CDH12: variants seen among roughly 807,000 people sequenced by gnomAD.
CDH12 encodes the protein cadherin 12, also known as cadherin-12.
In CDH12, 41 loss-of-function variants were observed where a neutral mutation model predicts 74.1. The ratio of observed to expected loss-of-function variants is 0.55; its 90% CI spans 0.43 to 0.72. CDH12 has a LOEUF of 0.72. Ranked by LOEUF, CDH12 falls within the 30% of genes least tolerant of loss-of-function variation. CDH12 has a pLI of 0.00. For missense variants in CDH12, 945 were observed against 977.2 expected (o/e 0.97, Z 0.44); for synonymous variants, 399 against 355.0 (o/e 1.12, Z -1.39).
At position 22,030,014 on chromosome 5, in the gene CDH12, CA is replaced by C. The variant is rs1237322840; in HGVS notation, c.231+48431del. 4.3e-3 allele frequency among the ~76,000 whole-genome samples: 592 copies of C among 138,854 alleles called. 6 individuals carry two copies. The highest frequency in any genetic ancestry group is 0.015 in the African/African-American group (557 of 37,414). The allele number at this position is 138,854 out of a possible 152,430, so 91.1% of individuals were successfully genotyped here. ...CATTCTCAGTAAACTATCGCAAGGACAAAAAACCAAACACCGCATGTTCTCA... is the reference window on the plus strand; with the variant it reads ...CATTCTCAGTAAACTATCGCAAGGACAAAAACCAAACACCGCATGTTCTCA... On this transcript the variant is annotated intron_variant, in intron 5 of 14. Coordinates refer to ENST00000382254, the MANE Select transcript of CDH12 (RefSeq NM_004061.5).
chr5:21,842,113 A>T (rs1749897924), intron 8 of CDH12, 48 bp downstream of exon 8: 1 of 1,468,494 alleles, frequency 6.8e-7, no homozygotes, highest in Non-Finnish European at 9.3e-7. Flanking sequence ...ACACCATTAA[A>T]TTTTTTTAAA....
chr5:22,078,638 A>C lies in CDH12; in HGVS notation c.39T>G (p.Val13=). ...TRNCLSLLLW[V]LFDGGLLTPL... is the part of the protein sequence containing the mutation. The stretch of plus-strand genomic sequence containing the variant: ...GTGTTAGGAGACCTCCATCAAACAG[A>C]ACCCAGAGAAGCAGGGATAAACAGT... The change falls in exon 5 of 15, where the codon GTT becomes GTG. Residue 13 remains valine, a synonymous_variant. Coordinates refer to ENST00000382254, the MANE Select transcript of CDH12 (RefSeq NM_004061.5). 6.2e-7 allele frequency: 1 copy of C among 1,613,850 alleles called. No individual in the cohort carries two copies. Among genetic ancestry groups the C allele is most frequent in the Non-Finnish European group, 8.5e-7 (1 of 1,179,804 alleles).
At chr5:22,387,711 G>C (rs987345063) in intron 3 of CDH12, among the ~76,000 whole-genome samples, 3 of 152,182 alleles carry the variant, frequency 2.0e-5, no homozygotes, top group African/African-American at 7.2e-5. Flanking sequence ...AGAGATGGGA[G>C]AGATGAGGAT....
chr5:21,859,827 A>C (rs951592493), intron 6 of CDH12, among the ~76,000 whole-genome samples: 1 of 152,014 alleles, frequency 6.6e-6, no homozygotes, highest in African/African-American at 2.4e-5. Flanking sequence ...TATCAAGGTG[A>C]AATCAGTTTA....
intron 1 of CDH12, among the ~76,000 whole-genome samples, chr5:22,738,872 C>T (rs528341599): frequency 4.0e-4 from 61 of 152,092 alleles, no homozygotes; most frequent in African/African-American, 1.4e-3. Context: ...ATAATAGCAT[C>T]ACCTCTTCCT....
At chr5:22,761,930 A>AACACAC (rs10662625) in intron 1 of CDH12, among the ~76,000 whole-genome samples, 55 of 149,088 alleles carry the variant, frequency 3.7e-4, no homozygotes, top group East Asian at 1.2e-3. Context: ...TAATTTCTCA[A>AACACAC]ACACACACAC....
intron 1 of CDH12, among the ~76,000 whole-genome samples, chr5:22,771,793 C>G (rs1356015551): frequency 6.6e-6 from 1 of 152,088 alleles, no homozygotes; most frequent in Non-Finnish European, 1.5e-5. Context: ...CCTACGGACT[C>G]AAGTTGCAAT....
At chr5:22,652,010 G>A (rs1739770369) in intron 1 of CDH12, among the ~76,000 whole-genome samples, 1 of 152,042 alleles carries the variant, frequency 6.6e-6, no homozygotes, top group Non-Finnish European at 1.5e-5. Context: ...CAGTCCAAAT[G>A]TGATAGATGG....
chr5:22,105,357 T>A (rs1744375107), intron 4 of CDH12, among the ~76,000 whole-genome samples: 1 of 150,050 alleles, frequency 6.7e-6, no homozygotes, highest in East Asian at 2.1e-4. Context: ...CCCCCCAAAG[T>A]CCTGGGATTA....
At chr5:22,654,911 A>G (rs537807906) in intron 1 of CDH12, among the ~76,000 whole-genome samples, 14 of 152,294 alleles carry the variant, frequency 9.2e-5, no homozygotes, top group African/African-American at 3.4e-4. Flanking sequence ...GAATACAGGC[A>G]TGAGCCACTG....
intron 1 of CDH12, among the ~76,000 whole-genome samples, chr5:22,524,398 T>C (rs879797157): frequency 1.3e-5 from 2 of 152,214 alleles, no homozygotes; most frequent in Admixed American, 1.3e-4. Flanking sequence ...ATAATCCCTT[T>C]CCCTTTGGAA....
At chr5:22,659,315 T>G (rs1193525086) in intron 1 of CDH12, among the ~76,000 whole-genome samples, 1 of 152,160 alleles carries the variant, frequency 6.6e-6, no homozygotes, top group Non-Finnish European at 1.5e-5. Context: ...TCTCGAAGCT[T>G]GGATTACTAT....
chr5:22,247,227 G>C lies in CDH12; in HGVS notation c.-332-34584C>G, dbSNP rs1021790494. On this transcript the variant is annotated intron_variant, in intron 3 of 14. Transcript: ENST00000382254. ...TCAGAAACATCACATACACTTATTAGGGTTAGCAAATATCCAGTAAATACA... is the reference window on the plus strand; with the variant it reads ...TCAGAAACATCACATACACTTATTACGGTTAGCAAATATCCAGTAAATACA... Among the ~76,000 whole-genome samples, 3 of 152,096 alleles carry C rather than the reference G, an allele frequency of 2.0e-5. No homozygotes were observed. In the South Asian group the frequency reaches 6.2e-4, roughly 31 times the overall value.
chr5:21,756,140 C>A (rs1164356269), intron 13 of CDH12, among the ~76,000 whole-genome samples: 10 of 151,876 alleles, frequency 6.6e-5, no homozygotes, highest in Non-Finnish European at 1.3e-4. Context: ...ACATTGCAAT[C>A]TCATTAAAAA....
chr5:22,382,022 C>T (rs1029942876), intron 3 of CDH12, among the ~76,000 whole-genome samples: 1 of 147,390 alleles, frequency 6.8e-6, no homozygotes, highest in African/African-American at 2.5e-5. Context: ...GTTGCTTTGG[C>T]CGGAGTTCAG....
intron 1 of CDH12, among the ~76,000 whole-genome samples, chr5:22,827,865 T>G (rs1736412445): frequency 6.6e-6 from 1 of 152,028 alleles, no homozygotes; most frequent in Non-Finnish European, 1.5e-5. Context: ...ACTTCAAAAT[T>G]AATAATACTA....
intron 6 of CDH12, among the ~76,000 whole-genome samples, chr5:21,869,000 G>A (rs1304763077): frequency 6.6e-6 from 1 of 152,132 alleles, no homozygotes; most frequent in Non-Finnish European, 1.5e-5. Flanking sequence ...CTGGCCTGCA[G>A]GTCTTAGTTC....
chr5:22,266,698 TAAG>T (rs1442247659), intron 3 of CDH12, among the ~76,000 whole-genome samples: 1 of 152,112 alleles, frequency 6.6e-6, no homozygotes, highest in Non-Finnish European at 1.5e-5. Context: ...AATCAGTACA[TAAG>T]GAGTATTTTA....
chr5:21,865,527 G>T (rs1402946533), intron 6 of CDH12, among the ~76,000 whole-genome samples: 1 of 152,130 alleles, frequency 6.6e-6, no homozygotes, highest in Non-Finnish European at 1.5e-5. Flanking sequence ...GATCCAGAGT[G>T]CCCTCCACAG....
Sources: allele counts gnomAD v4.1 joint callset (sites outside exome capture counted in the v4.1 genomes callset), GRCh38; gene constraint gnomAD v4.1.1; transcripts MANE v1.5; gene names NCBI Gene and HGNC (gene_info 2026-07-23, HGNC 2026-07-21).